POP1: variants seen among roughly 807,000 people sequenced by gnomAD.
The protein encoded by POP1 is POP1 ribonuclease P/MRP subunit, also known as ribonucleases P/MRP protein subunit POP1.
In POP1, 75 loss-of-function variants were observed where a neutral mutation model predicts 102.2. The ratio of observed to expected loss-of-function variants is 0.73; its 90% CI spans 0.61 to 0.89. The LOEUF (loss-of-function observed/expected upper bound fraction) is 0.89. POP1 is among the 40% of genes least tolerant of loss of function. The pLI is 0.00. For missense variants in POP1, 1,116 were observed against 1,267.4 expected, an observed-to-expected ratio of 0.88 and a Z score of 1.81; for synonymous variants, 436 against 464.1, an observed-to-expected ratio of 0.94 and a Z score of 0.78.
intron 13 of POP1, among the ~76,000 whole-genome samples, chr8:98,149,966 C>T (rs1809476121): frequency 6.6e-6 from 1 of 152,040 alleles, no homozygotes; most frequent in African/African-American, 2.4e-5. Flanking sequence ...GAGATGCTTT[C>T]AAGCATACAA....
Position 98,140,109 on chromosome 8 carries a change from G to A in POP1, c.1394G>A (p.Arg465His), listed in dbSNP as rs553476963. The A allele has an allele frequency of 6.8e-6, 11 of 1,614,038 alleles. No homozygotes were observed. The African/African-American group carries it at 1.1e-4, about 16-fold the overall frequency. ...VGEDTEETPH[R>H]WWIETCKKPD... ...GAGGACACAGAGGAGACACCTCACCGCTGGTGGATAGAAACCTGTAAGAAA... is the reference window on the plus strand; with the variant it reads ...GAGGACACAGAGGAGACACCTCACCACTGGTGGATAGAAACCTGTAAGAAA... Residue 465 changes from arginine to histidine, a missense_variant, in exon 10 of 16, where the codon CGC (arginine) becomes CAC (histidine). Coordinates refer to ENST00000401707, the MANE Select transcript of POP1 (RefSeq NM_001145860.2).
intron 14 of POP1, among the ~76,000 whole-genome samples, chr8:98,154,553 T>C (rs1443925166): frequency 1.3e-5 from 2 of 152,016 alleles, no homozygotes; most frequent in Admixed American, 1.3e-4. Flanking sequence ...GAGTGGGTGC[T>C]TGAGGTGGGG....
At position 98,150,550 on chromosome 8, in the gene POP1, G is replaced by A. The variant is rs1203972400; in HGVS notation, c.1968G>A (p.Ser656=). 3 of 1,614,140 alleles carry A rather than the reference G, an allele frequency of 1.9e-6. No individual in the cohort carries two copies. Among genetic ancestry groups the A allele is most frequent in the African/African-American group, 1.3e-5 (1 of 75,064 alleles). Residue 656 remains serine (S), a synonymous_variant, in exon 14 of 16, where the codon TCG becomes TCA. Coordinates refer to ENST00000401707, the MANE Select transcript of POP1 (RefSeq NM_001145860.2). ...CAGTGCATTCTCAGTATAAGAGGTC[G>A]CCTAATGTCCCAGGCGATTTTCCAG... ...ESAVHSQYKR[S]PNVPGDFPDC... is the part of the protein sequence containing the mutation.
intron 12 of POP1, among the ~76,000 whole-genome samples, chr8:98,147,857 A>G (rs1258659327): frequency 6.6e-6 from 1 of 152,210 alleles, no homozygotes; most frequent in Non-Finnish European, 1.5e-5. Flanking sequence ...AGCCAGAACC[A>G]TGTCTTACTT....
intron 7 of POP1, among the ~76,000 whole-genome samples, chr8:98,135,918 T>C (rs79655710): frequency 0.072 from 10,959 of 152,050 alleles, 607 homozygotes; most frequent in Middle Eastern, 0.16. Flanking sequence ...GCCCAGGCCA[T>C]GGTCTCAAAC....
Position 98,150,576 on chromosome 8 carries a change from A to G in POP1, c.1994A>G (p.Asp665Gly), listed in dbSNP as rs1809489546. 1.2e-6 allele frequency: 2 copies of G among 1,614,222 alleles called. No individual in the cohort carries two copies. Among genetic ancestry groups the G allele is most frequent in the African/African-American group, 1.3e-5 (1 of 75,058 alleles). ...RSPNVPGDFP[D>G]CPAGMLFAEE... ...CCTAATGTCCCAGGCGATTTTCCAGACTGCCCTGCCGGGATGCTGTTTGCG... is the reference window on the plus strand; with the variant it reads ...CCTAATGTCCCAGGCGATTTTCCAGGCTGCCCTGCCGGGATGCTGTTTGCG... The change falls in exon 14 of 16, where the codon GAC (aspartate) becomes GGC (glycine). Residue 665 changes from aspartate to glycine, a missense_variant. Coordinates refer to ENST00000401707, the MANE Select transcript of POP1 (RefSeq NM_001145860.2).
At chr8:98,119,738 A>G (rs907053537) in intron 1 of POP1, among the ~76,000 whole-genome samples, 1 of 152,046 alleles carries the variant, frequency 6.6e-6, no homozygotes, top group Non-Finnish European at 1.5e-5. Context: ...AACTATGCCT[A>G]GCTTATTTTT....
Position 98,156,112 on chromosome 8 carries a change from C to T in POP1, c.2120C>T (p.Pro707Leu), listed in dbSNP as rs866388222. 6.2e-7 allele frequency: 1 copy of T among 1,614,070 alleles called. No individual in the cohort carries two copies. The highest frequency in any genetic ancestry group is 8.5e-7 in the Non-Finnish European group (1 of 1,180,008). The change falls in exon 15 of 16, where the codon CCC (proline) becomes CTC (leucine). Residue 707 changes from proline to leucine, a missense_variant. Physicochemically the swap from Pro to Leu is moderately conservative, Grantham distance 98. Transcript: ENST00000401707. Reference protein sequence around the residue: ...KLGTLAPFCCPWEQLTQDWES... With the variant: ...KLGTLAPFCCLWEQLTQDWES... ...GGCACTCTGGCACCTTTCTGCTGTCCCTGGGAGCAGTTAACTCAAGACTGG... is the reference window on the plus strand; with the variant it reads ...GGCACTCTGGCACCTTTCTGCTGTCTCTGGGAGCAGTTAACTCAAGACTGG...
In POP1 at chr8:98,146,676, C is replaced by T. The variant is rs183619990; in HGVS notation, c.1703C>T (p.Ser568Leu). 32 of 1,604,014 alleles carry T rather than the reference C, an allele frequency of 2.0e-5. No individual in the cohort carries two copies. In the African/African-American group the frequency reaches 3.1e-4, roughly 15 times the overall value. ...ICKSVTENKI[S>L]DQDLNRMRSE... is the part of the protein sequence containing the mutation. ...AAGAGTGTCACAGAGAATAAAATCT[C>T]GGATCAGGTAACTAATAGTGTAAGG... Residue 568 changes from serine to leucine, a missense_variant, in exon 12 of 16, where the codon TCG (serine) becomes TTG (leucine). Coordinates refer to ENST00000401707, the MANE Select transcript of POP1 (RefSeq NM_001145860.2).
chr8:98,118,940 A>G (rs1815932592), intron 1 of POP1, among the ~76,000 whole-genome samples: 1 of 152,138 alleles, frequency 6.6e-6, no homozygotes, highest in Admixed American at 6.5e-5. Flanking sequence ...TTGGACTGGT[A>G]TATAAAATCT....
intron 2 of POP1, among the ~76,000 whole-genome samples, chr8:98,126,546 CAAAT>C (rs1375609295): frequency 1.3e-5 from 2 of 152,068 alleles, no homozygotes; most frequent in Non-Finnish European, 2.9e-5. Flanking sequence ...CCCACAAAGA[CAAAT>C]AAAATACATG....
At chr8:98,118,665 A>G (rs554797230) in intron 1 of POP1, among the ~76,000 whole-genome samples, 1 of 152,232 alleles carries the variant, frequency 6.6e-6, no homozygotes, top group South Asian at 2.1e-4. Flanking sequence ...GGCTCAAGCA[A>G]TTCTCCCACC....
intron 5 of POP1, among the ~76,000 whole-genome samples, chr8:98,133,135 T>G (rs947567327): frequency 4.6e-5 from 7 of 152,012 alleles, no homozygotes; most frequent in Non-Finnish European, 1.0e-4. Flanking sequence ...GAGGATTGCT[T>G]GAGCCCAGGA....
At chr8:98,118,885 A>C (rs1386723680) in intron 1 of POP1, among the ~76,000 whole-genome samples, 2 of 152,098 alleles carry the variant, frequency 1.3e-5, no homozygotes, top group South Asian at 4.1e-4. Flanking sequence ...GGATAGAGTC[A>C]GACTGCCTGG....
At chr8:98,134,326 G>T in intron 6 of POP1, 146 bp from the exon 7 acceptor site, 1 of 816,386 alleles carries the variant, frequency 1.2e-6, no homozygotes, top group Non-Finnish European at 2.1e-6. Context: ...AGAACTTATT[G>T]TGTGCCAGGC....
intron 15 of POP1, 116 bp downstream of exon 15, chr8:98,156,528 C>G (rs776569008): frequency 1.3e-5 from 17 of 1,348,134 alleles, no homozygotes; most frequent in African/African-American, 2.9e-5. Context: ...AATTTATAGG[C>G]TTTCTGGAAG....
intron 13 of POP1, among the ~76,000 whole-genome samples, chr8:98,149,282 T>C (rs897498361): frequency 3.9e-5 from 6 of 152,218 alleles, no homozygotes; most frequent in African/African-American, 1.4e-4. Flanking sequence ...AATGTTGAGG[T>C]ATTTGATTTG....
intron 5 of POP1, among the ~76,000 whole-genome samples, chr8:98,132,108 A>G (rs1563774489): frequency 6.6e-6 from 1 of 152,236 alleles, no homozygotes; most frequent in Non-Finnish European, 1.5e-5. Context: ...AGCCCTAAGT[A>G]ATAAAACTAA....
chr8:98,123,361 A>G lies in POP1; in HGVS notation c.24A>G (p.Lys8=). The stretch of plus-strand genomic sequence containing the variant: ...AAATGTCAAATGCAAAAGAAAGAAA[A>G]CACGCCAAGAAAATGAGAAACCAGC... MSNAKER[K]HAKKMRNQPT... Residue 8 remains lysine (K), a synonymous_variant, in exon 2 of 16, where the codon AAA becomes AAG. Transcript: ENST00000401707. 6.2e-7 allele frequency: 1 copy of G among 1,614,008 alleles called. No homozygotes were observed. Among genetic ancestry groups the G allele is most frequent in the Non-Finnish European group, 8.5e-7 (1 of 1,179,906 alleles).
Sources: allele counts gnomAD v4.1 joint callset (sites outside exome capture counted in the v4.1 genomes callset), GRCh38; gene constraint gnomAD v4.1.1; transcripts MANE v1.5; gene names NCBI Gene and HGNC (gene_info 2026-07-23, HGNC 2026-07-21).